The following KIAA1217 variants were observed in gnomAD, a reference collection of about 807,000 sequenced individuals.
KIAA1217 encodes the protein sickle tail protein homolog.
In KIAA1217, 88 loss-of-function variants were observed where a neutral mutation model predicts 163.9. The ratio of observed to expected loss-of-function variants is 0.54; its 90% confidence interval spans 0.45 to 0.64. The LOEUF (loss-of-function observed/expected upper bound fraction) is 0.64, where lower values mean the gene tolerates loss of function less well. KIAA1217 is among the 30% of genes least tolerant of loss of function. The probability of loss-of-function intolerance (pLI) is 0.00; values close to 1 mark genes in which losing one functional copy is unlikely to be tolerated. For synonymous variants in KIAA1217, 903 were observed against 923.1 expected (o/e 0.98, Z 0.39); for missense variants, 2,372 against 2,475.0 (o/e 0.96, Z 0.88).
intron 1 of KIAA1217, among the ~76,000 whole-genome samples, chr10:24,212,569 A>G (rs1326783796): frequency 6.6e-6 from 1 of 152,192 alleles, no homozygotes; most frequent in Admixed American, 6.5e-5. Context: ...TGGAATAAAA[A>G]TCCAAATTAG....
chr10:24,533,277 C>T (rs766891450), intron 16 of KIAA1217, 40 bp downstream of exon 16: 13 of 1,565,648 alleles, frequency 8.3e-6, no homozygotes, highest in African/African-American at 2.7e-5. Context: ...CCTTGCCTCC[C>T]GCCTGGGTCT....
At chr10:24,171,304 A>C (rs920236280) in intron 2 of KIAA1217, among the ~76,000 whole-genome samples, 2 of 152,226 alleles carry the variant, frequency 1.3e-5, no homozygotes, top group African/African-American at 4.8e-5. Context: ...AAACATTTTT[A>C]TTGAAAAACT....
chr10:23,754,869 A>G lies in KIAA1217; in HGVS notation c.-321+59635A>G, dbSNP rs1428878868. Among the ~76,000 whole-genome samples the G allele has an allele frequency of 5.3e-5, 8 of 151,908 alleles. No homozygotes were observed. The East Asian group carries it at 1.6e-3, about 29-fold the overall frequency. On this transcript the variant is annotated intron_variant, in intron 1 of 18. Coordinates refer to the KIAA1217 transcript ENST00000376462. ...TTTTTTTTCCTAAATGAGACTTGCT[A>G]ATTTTTTTCCATTTGTGAGCTTCAA...
chr10:24,049,286 T>A (rs1849307974), intron 2 of KIAA1217, among the ~76,000 whole-genome samples: 1 of 152,128 alleles, frequency 6.6e-6, no homozygotes, highest in Non-Finnish European at 1.5e-5. Context: ...AAAAACTAAA[T>A]GCACTTGCAT....
chr10:23,768,262 G>T (rs866347762), intron 1 of KIAA1217, among the ~76,000 whole-genome samples: 3 of 152,178 alleles, frequency 2.0e-5, no homozygotes, highest in African/African-American at 7.2e-5. Flanking sequence ...GGATAGGAAT[G>T]ATGACAGTTG....
At chr10:24,202,166 A>G (rs1413341992) in intron 2 of KIAA1217, among the ~76,000 whole-genome samples, 1 of 152,250 alleles carries the variant, frequency 6.6e-6, no homozygotes, top group Non-Finnish European at 1.5e-5. Context: ...GCCTATGGCC[A>G]TCACTCAACC....
chr10:23,899,624 C>T (rs909116699), intron 1 of KIAA1217, among the ~76,000 whole-genome samples: 2 of 152,220 alleles, frequency 1.3e-5, no homozygotes, highest in South Asian at 4.1e-4. Context: ...ATGAGCACTG[C>T]CCTCAAATCT....
At chr10:23,972,220 G>A (rs554563924) in intron 1 of KIAA1217, among the ~76,000 whole-genome samples, 28 of 152,230 alleles carry the variant, frequency 1.8e-4, no homozygotes, top group African/African-American at 5.5e-4. Flanking sequence ...CTCAAGGATC[G>A]AGAACCAGAA....
At chr10:24,062,035 A>G (rs1005971007) in intron 2 of KIAA1217, among the ~76,000 whole-genome samples, 1 of 151,984 alleles carries the variant, frequency 6.6e-6, no homozygotes, top group Non-Finnish European at 1.5e-5. Flanking sequence ...ACTTGACTGG[A>G]TAATTTCAGA....
At chr10:24,336,651 C>A (rs1021555004) in intron 2 of KIAA1217, among the ~76,000 whole-genome samples, 3 of 152,152 alleles carry the variant, frequency 2.0e-5, no homozygotes, top group African/African-American at 2.4e-5. Flanking sequence ...GCTATCTATA[C>A]TTTGATATAA....
intron 4 of KIAA1217, among the ~76,000 whole-genome samples, chr10:24,435,702 G>A (rs1365405394): frequency 6.6e-6 from 1 of 152,130 alleles, no homozygotes; most frequent in Non-Finnish European, 1.5e-5. Context: ...TCGAGAAGTA[G>A]TCACAAAATA....
intron 2 of KIAA1217, among the ~76,000 whole-genome samples, chr10:24,273,830 G>A (rs1459771665): frequency 1.3e-5 from 2 of 149,620 alleles, no homozygotes; most frequent in Non-Finnish European, 3.0e-5. Context: ...TCTAGCCTGG[G>A]CGACAGAACA....
chr10:23,973,696 T>G (rs1845417432), intron 1 of KIAA1217, among the ~76,000 whole-genome samples: 1 of 152,214 alleles, frequency 6.6e-6, no homozygotes, highest in African/African-American at 2.4e-5. Context: ...TTATTCCTTA[T>G]CACCGGGAAT....
chr10:23,913,850 G>A (rs905869995), intron 1 of KIAA1217, among the ~76,000 whole-genome samples: 1 of 152,124 alleles, frequency 6.6e-6, no homozygotes, highest in Non-Finnish European at 1.5e-5. Flanking sequence ...GGAGAGCAGG[G>A]AACTACTTCC....
At chr10:23,980,991 T>A (rs1348104257) in intron 1 of KIAA1217, among the ~76,000 whole-genome samples, 1 of 152,230 alleles carries the variant, frequency 6.6e-6, no homozygotes, top group Admixed American at 6.5e-5. Context: ...AGGCAATATG[T>A]CCATCAAGTA....
At chr10:24,531,088 C>G (rs564069508) in intron 14 of KIAA1217, among the ~76,000 whole-genome samples, 3 of 152,048 alleles carry the variant, frequency 2.0e-5, no homozygotes, top group Admixed American at 1.3e-4. Flanking sequence ...ACCTGTAATG[C>G]CAGCTACTAG....
intron 1 of KIAA1217, among the ~76,000 whole-genome samples, chr10:23,926,893 T>G (rs2131303134): frequency 6.6e-6 from 1 of 152,080 alleles, no homozygotes; most frequent in Non-Finnish European, 1.5e-5. Flanking sequence ...TCTATCCTAT[T>G]TATTTATCTG....
At position 24,546,821 on chromosome 10, in the gene KIAA1217, A is replaced by G. The variant is rs561151462; in HGVS notation, c.*497A>G. ...AGATTTCTATTTTTGTCAAAACTTC[A>G]TGGTTCCTTTCAAGATCTTTTTTGC... On this transcript the variant is annotated 3_prime_UTR_variant, in exon 21 of 21. Coordinates refer to ENST00000376454, the MANE Select transcript of KIAA1217 (RefSeq NM_019590.5). 1.3e-5 allele frequency: 2 copies of G among 154,044 alleles called. No homozygotes were observed. The highest frequency in any genetic ancestry group is 1.9e-4 in the East Asian group (1 of 5,200). 9.5% of individuals were successfully genotyped at this position (154,044 alleles called of 1,614,324 possible).
intron 2 of KIAA1217, among the ~76,000 whole-genome samples, chr10:24,312,290 G>A (rs1212347002): frequency 6.7e-6 from 1 of 149,958 alleles, no homozygotes; most frequent in African/African-American, 2.5e-5. Flanking sequence ...GGTTAAAGTG[G>A]AACTTCATGT....
Sources: allele counts gnomAD v4.1 joint callset (sites outside exome capture counted in the v4.1 genomes callset), GRCh38; gene constraint gnomAD v4.1.1; transcripts MANE v1.5; gene names NCBI Gene and HGNC (gene_info 2026-07-23, HGNC 2026-07-21).